The following DCBLD1 variants were observed in gnomAD, a reference collection of about 807,000 sequenced individuals.
The protein encoded by DCBLD1 is discoidin, CUB and LCCL domain-containing protein 1.
DCBLD1 carries 57 observed loss-of-function variants against 71.5 expected under a neutral mutation model. The ratio of observed to expected loss-of-function variants is 0.80; its 90% confidence interval spans 0.64 to 0.99. DCBLD1 has a LOEUF of 0.99. DCBLD1 is among the 50% of genes least tolerant of loss of function. DCBLD1 has a pLI of 0.00. For synonymous variants in DCBLD1, 380 were observed against 363.8 expected (o/e 1.04, Z -0.51); for missense variants, 891 against 923.5 (o/e 0.96, Z 0.46).
At chr6:117,500,585 G>A (rs1562433853) in intron 1 of DCBLD1, among the ~76,000 whole-genome samples, 1 of 152,152 alleles carries the variant, frequency 6.6e-6, no homozygotes, top group Non-Finnish European at 1.5e-5. Flanking sequence ...GTGATACCCT[G>A]GCCGGGTGCG....
chr6:117,488,842 A>T (rs957927077), intron 1 of DCBLD1, among the ~76,000 whole-genome samples: 1 of 152,118 alleles, frequency 6.6e-6, no homozygotes, highest in Non-Finnish European at 1.5e-5. Flanking sequence ...CACCTCAAAC[A>T]TCATTTGGGG....
At position 117,532,377 on chromosome 6, in the gene DCBLD1, G is replaced by A; in HGVS notation, c.703G>A (p.Gly235Ser). The A allele has an allele frequency of 6.2e-7, 1 of 1,609,944 alleles. No individual in the cohort carries two copies. The highest frequency in any genetic ancestry group is 8.5e-7 in the Non-Finnish European group (1 of 1,178,882). Reference sequence around the variant, plus strand: ...TCGATATGAAGGGATTCTGGCCAATGGTGTTCTTTCGAGGGAGTAAGTATT... The same window carrying A: ...TCGATATGAAGGGATTCTGGCCAATAGTGTTCTTTCGAGGGAGTAAGTATT... ...ISRYEGILAN[G>S]VLSRDGSLSD... Residue 235 changes from glycine to serine, a missense_variant, in exon 6 of 15, where the codon GGT becomes AGT. By Grantham distance (56) the Gly-to-Ser change is moderately conservative. Transcript: ENST00000338728.
chr6:117,530,246 G>C (rs574075924), intron 5 of DCBLD1, among the ~76,000 whole-genome samples: 1 of 152,120 alleles, frequency 6.6e-6, no homozygotes, highest in Non-Finnish European at 1.5e-5. Flanking sequence ...CAGCAGTCCC[G>C]AACCTTTTTG....
At chr6:117,492,634 A>G (rs1426772973) in intron 1 of DCBLD1, among the ~76,000 whole-genome samples, 1 of 152,198 alleles carries the variant, frequency 6.6e-6, no homozygotes, top group African/African-American at 2.4e-5. Context: ...GTAGCTAACC[A>G]TTGCTTTTAT....
chr6:117,549,389 A>T lies in DCBLD1; in HGVS notation c.*950A>T, dbSNP rs1312917189. 2.7e-5 allele frequency: 27 copies of T among 985,312 alleles called. No homozygotes were observed. Among genetic ancestry groups the T allele is most frequent in the Admixed American group, 6.2e-5 (1 of 16,258 alleles). The allele number at this position is 985,312 out of a possible 1,614,324, so 61.0% of individuals were successfully genotyped here. A position where few individuals can be genotyped will look rare whatever the true frequency, so the allele number is the denominator to read the frequency against. On this transcript the variant is annotated 3_prime_UTR_variant, in exon 15 of 15. Transcript: ENST00000338728. Reference sequence around the variant, plus strand: ...TAAATCGAGCTTTTCTACTGACATGAAACTGTTGGAAACTGATCTCATTTT... The same window carrying T: ...TAAATCGAGCTTTTCTACTGACATGTAACTGTTGGAAACTGATCTCATTTT...
intron 5 of DCBLD1, among the ~76,000 whole-genome samples, chr6:117,526,292 G>C (rs1418373763): frequency 6.6e-6 from 1 of 152,010 alleles, no homozygotes; most frequent in Non-Finnish European, 1.5e-5. Context: ...TTATTTACAA[G>C]ATTGACACTG....
At chr6:117,528,348 A>G (rs1259370317) in intron 5 of DCBLD1, among the ~76,000 whole-genome samples, 1 of 152,212 alleles carries the variant, frequency 6.6e-6, no homozygotes, top group African/African-American at 2.4e-5. Context: ...ATATTTGATA[A>G]TTTAACATTT....
chr6:117,563,829 G>A (rs540836464), intron 14 of DCBLD1, among the ~76,000 whole-genome samples: 6 of 152,048 alleles, frequency 3.9e-5, no homozygotes, highest in Non-Finnish European at 7.4e-5. Context: ...CAAAAATAAT[G>A]CCTTATATTA....
intron 1 of DCBLD1, chr6:117,494,894 G>A (rs1777420121): frequency 6.6e-6 from 1 of 152,178 alleles, no homozygotes; most frequent in Non-Finnish European, 1.5e-5. Flanking sequence ...ACTACTCCCA[G>A]GAGATGCCCC....
chr6:117,568,916 A>G (rs1333152660), intron 14 of DCBLD1, among the ~76,000 whole-genome samples: 1 of 152,230 alleles, frequency 6.6e-6, no homozygotes, highest in African/African-American at 2.4e-5. Flanking sequence ...CTGATAATCC[A>G]AGAAACATCT....
intron 14 of DCBLD1, among the ~76,000 whole-genome samples, chr6:117,547,009 T>C (rs1257753814): frequency 6.6e-6 from 1 of 152,190 alleles, no homozygotes; most frequent in Non-Finnish European, 1.5e-5. Context: ...CTCTCATTGG[T>C]AACAAATTCC....
intron 2 of DCBLD1, among the ~76,000 whole-genome samples, chr6:117,518,401 C>T (rs937221232): frequency 6.6e-6 from 1 of 152,198 alleles, no homozygotes; most frequent in Non-Finnish European, 1.5e-5. Context: ...ATTTTCCTGT[C>T]TTCTTAGCCC....
chr6:117,556,476 A>G (rs1221944128), intron 14 of DCBLD1, among the ~76,000 whole-genome samples: 1 of 152,178 alleles, frequency 6.6e-6, no homozygotes, highest in Admixed American at 6.5e-5. Flanking sequence ...ATGTGGTAGT[A>G]AACTTTGTTT....
intron 1 of DCBLD1, among the ~76,000 whole-genome samples, chr6:117,484,555 C>T (rs574051797): frequency 5.3e-5 from 8 of 152,186 alleles, no homozygotes; most frequent in Admixed American, 3.3e-4. Flanking sequence ...AGCCATATTA[C>T]GCAGGCTGGT....
intron 6 of DCBLD1, among the ~76,000 whole-genome samples, chr6:117,536,654 A>G (rs1297001432): frequency 6.6e-6 from 1 of 152,162 alleles, no homozygotes; most frequent in East Asian, 1.9e-4. Flanking sequence ...GGAGAGAGAG[A>G]CAGGGCAGAG....
At chr6:117,544,248 G>A in intron 12 of DCBLD1, 1 of 316,504 alleles carries the variant, frequency 3.2e-6, no homozygotes, top group South Asian at 7.7e-5. Flanking sequence ...GACTGCATGA[G>A]CTAGTGATAA....
intron 14 of DCBLD1, among the ~76,000 whole-genome samples, chr6:117,557,369 T>C (rs907929680): frequency 6.6e-6 from 1 of 151,800 alleles, no homozygotes; most frequent in African/African-American, 2.4e-5. Context: ...ATGTTTTAGG[T>C]ATGTTCCTTT....
chr6:117,506,687 T>C (rs887827884), intron 2 of DCBLD1, among the ~76,000 whole-genome samples: 2 of 152,228 alleles, frequency 1.3e-5, no homozygotes, highest in Non-Finnish European at 2.9e-5. Flanking sequence ...GTGCAGCTGT[T>C]GCCCAGCTTC....
At chr6:117,483,522 G>A (rs941154026) in intron 1 of DCBLD1, among the ~76,000 whole-genome samples, 1 of 152,226 alleles carries the variant, frequency 6.6e-6, no homozygotes, top group Non-Finnish European at 1.5e-5. Flanking sequence ...GGCTTCCTGT[G>A]TATTTGAGCC....
Sources: allele counts gnomAD v4.1 joint callset (sites outside exome capture counted in the v4.1 genomes callset), GRCh38; gene constraint gnomAD v4.1.1; transcripts MANE v1.5; gene names NCBI Gene and HGNC (gene_info 2026-07-23, HGNC 2026-07-21).